The following SYNE2 variants were observed in gnomAD, a reference collection of about 807,000 sequenced individuals.
SYNE2 encodes the protein nesprin-2.
SYNE2 carries 431 observed loss-of-function variants against 856.3 expected under a neutral mutation model. That is an observed-to-expected ratio of 0.50 (90% CI 0.47 to 0.55). The LOEUF is 0.55. SYNE2 is among the 20% of genes least tolerant of loss of function. The probability of loss-of-function intolerance (pLI) is 0.00; values close to 1 mark genes in which losing one functional copy is unlikely to be tolerated. For missense variants in SYNE2, 8,129 were observed against 8,023.2 expected (o/e 1.01, Z -0.50); for synonymous variants, 2,923 against 2,872.3 (o/e 1.02, Z -0.56).
At chr14:64,090,753 A>G (rs751759104) in intron 59 of SYNE2, 113 bp from the exon 60 acceptor site, 68 of 974,588 alleles carry the variant, frequency 7.0e-5, no homozygotes, top group Middle Eastern at 3.1e-4. Context: ...CTAAGAAATT[A>G]TTTTAAAAAT....
chr14:64,068,600 G>A (rs1435245086), intron 51 of SYNE2, among the ~76,000 whole-genome samples: 1 of 151,998 alleles, frequency 6.6e-6, no homozygotes, highest in African/African-American at 2.4e-5. Flanking sequence ...AGTGGCTCAC[G>A]CCTGTAATCC....
chr14:63,986,528 C>T lies in SYNE2; in HGVS notation c.2224C>T (p.Leu742Phe). Reference sequence around the variant, plus strand: ...AAAAGTGGCTAAAGATGTTGAAAAACTCATTGGACAAGTGGAAATCTGGGA... The same window carrying T: ...AAAAGTGGCTAAAGATGTTGAAAAATTCATTGGACAAGTGGAAATCTGGGA... ...QLKVAKDVEKLIGQVEIWEAE... is the reference protein window; with the variant it reads ...QLKVAKDVEKFIGQVEIWEAE... The change falls in exon 19 of 116, where the codon CTC becomes TTC. Residue 742 changes from leucine (L) to phenylalanine (F), a missense_variant. Transcript: ENST00000555002. 8 of 1,614,106 alleles carry T rather than the reference C, an allele frequency of 5.0e-6. No individual in the cohort carries two copies. Among genetic ancestry groups the T allele is most frequent in the Non-Finnish European group, 6.8e-6 (8 of 1,179,992 alleles).
intron 99 of SYNE2, among the ~76,000 whole-genome samples, chr14:64,191,634 A>AAT (rs968531814): frequency 1.3e-5 from 2 of 152,212 alleles, no homozygotes; most frequent in Admixed American, 6.5e-5. Context: ...ATCTCTGCTA[A>AAT]ATACTTGGCC....
At chr14:63,818,344 CAAAAAA>C (rs34448523) in intron 1 of SYNE2, among the ~76,000 whole-genome samples, 2 of 86,564 alleles carry the variant, frequency 2.3e-5, no homozygotes, top group Non-Finnish European at 4.5e-5. Flanking sequence ...GACTCCGTCT[CAAAAAA>C]AAAAAAAAAA....
intron 1 of SYNE2, among the ~76,000 whole-genome samples, chr14:63,778,078 T>A (rs1887174245): frequency 6.6e-6 from 1 of 152,204 alleles, no homozygotes; most frequent in Non-Finnish European, 1.5e-5. Flanking sequence ...AAATCTCATC[T>A]TGTATTGTAA....
intron 2 of SYNE2, among the ~76,000 whole-genome samples, chr14:63,923,896 T>C (rs2095629556): frequency 6.6e-6 from 1 of 152,036 alleles, no homozygotes; most frequent in African/African-American, 2.4e-5. Flanking sequence ...CCTCCTGGGC[T>C]CAAGCAATCC....
chr14:64,202,329 C>T, intron 99 of SYNE2: 3 of 701,792 alleles, frequency 4.3e-6, no homozygotes, highest in South Asian at 3.0e-5. Context: ...GCCTTGTGGA[C>T]CAAATACCAC....
At chr14:64,091,798 C>A (rs1181503652) in intron 60 of SYNE2, among the ~76,000 whole-genome samples, 1 of 152,216 alleles carries the variant, frequency 6.6e-6, no homozygotes, top group Non-Finnish European at 1.5e-5. Context: ...AGACTTCCAA[C>A]CGTCTCCGTC....
At chr14:63,794,858 A>G (rs537571970) in intron 1 of SYNE2, among the ~76,000 whole-genome samples, 1 of 152,242 alleles carries the variant, frequency 6.6e-6, no homozygotes, top group Non-Finnish European at 1.5e-5. Context: ...AGTTACTTAA[A>G]AAGTTAAACG....
chr14:63,774,355 G>C (rs971317030), intron 1 of SYNE2, among the ~76,000 whole-genome samples: 1 of 151,406 alleles, frequency 6.6e-6, no homozygotes, highest in Non-Finnish European at 1.5e-5. Flanking sequence ...TGTAATCCCA[G>C]ATACTTGGGA....
Position 63,909,059 on chromosome 14 carries a change from G to A in SYNE2, c.-51-39G>A, listed in dbSNP as rs558687719. 5.8e-5 allele frequency: 57 copies of A among 984,830 alleles called. No homozygotes were observed. The Middle Eastern group carries it at 6.5e-4, about 11-fold the overall frequency. The allele number at this position is 984,830 out of a possible 1,614,324, so 61.0% of individuals were successfully genotyped here. ...ATGCATGTTTACTAGAAACAGAGCTGCAAAGTTACTAATGAACATTTATCC... is the reference window on the plus strand; with the variant it reads ...ATGCATGTTTACTAGAAACAGAGCTACAAAGTTACTAATGAACATTTATCC... On this transcript the variant is annotated intron_variant, in intron 1 of 115. Transcript: ENST00000555002.
intron 109 of SYNE2, among the ~76,000 whole-genome samples, 155 bp from the exon 110 acceptor site, chr14:64,219,053 G>C (rs1213601351): frequency 6.8e-6 from 1 of 147,864 alleles, no homozygotes; most frequent in Non-Finnish European, 1.5e-5. Flanking sequence ...GGAGAAGAGA[G>C]AACTCCCAAA....
chr14:63,810,620 G>C (rs763251347), intron 1 of SYNE2, among the ~76,000 whole-genome samples: 4 of 152,080 alleles, frequency 2.6e-5, no homozygotes, highest in Non-Finnish European at 4.4e-5. Flanking sequence ...AATTACATGG[G>C]ACAGAAAAAA....
At chr14:63,765,125 C>T (rs1252614778) in intron 1 of SYNE2, among the ~76,000 whole-genome samples, 1 of 152,126 alleles carries the variant, frequency 6.6e-6, no homozygotes, top group East Asian at 1.9e-4. Flanking sequence ...AGAAATCCCA[C>T]CTTTCCTCTT....
At chr14:64,118,021 G>A (rs940188695) in intron 66 of SYNE2, among the ~76,000 whole-genome samples, 1 of 152,192 alleles carries the variant, frequency 6.6e-6, no homozygotes, top group East Asian at 1.9e-4. Flanking sequence ...ACCACAGAAA[G>A]TAAAAGCATA....
intron 8 of SYNE2, among the ~76,000 whole-genome samples, chr14:63,958,901 G>C (rs1211327534): frequency 6.6e-6 from 1 of 152,100 alleles, no homozygotes; most frequent in Admixed American, 6.6e-5. Flanking sequence ...TCCTCTTTAC[G>C]CTCAAAGTTT....
intron 48 of SYNE2, 124 bp from the exon 49 acceptor site, chr14:64,055,820 A>G: frequency 3.6e-6 from 2 of 552,092 alleles, no homozygotes; most frequent in Admixed American, 4.5e-5. Context: ...CCTAAAACTT[A>G]AAGTATAATA....
intron 65 of SYNE2, among the ~76,000 whole-genome samples, chr14:64,109,163 A>G (rs2097789695): frequency 6.6e-6 from 1 of 151,892 alleles, no homozygotes; most frequent in African/African-American, 2.4e-5. Flanking sequence ...AATCAGATGT[A>G]GCTTCAATGG....
In SYNE2 at chr14:64,141,417, T is replaced by G; in HGVS notation, c.15053T>G (p.Leu5018Arg). The G allele has an allele frequency of 6.2e-7, 1 of 1,614,092 alleles. No individual in the cohort carries two copies. The highest frequency in any genetic ancestry group is 2.2e-5 in the East Asian group (1 of 44,862). ...AGTATCGGGAACCAGCTTCTTCACC[T>G]GAAAGAAACTGATACAGCTACACTG... is the stretch of plus-strand genomic sequence containing the variant. ...VISIGNQLLH[L>R]KETDTATLRA... The change falls in exon 81 of 116, where the codon CTG becomes CGG. Residue 5018 changes from leucine (L) to arginine (R), a missense_variant. By Grantham distance (102) the Leu-to-Arg change is moderately radical. Coordinates refer to ENST00000555002, the MANE Select transcript of SYNE2 (RefSeq NM_182914.3).
Sources: gnomAD v4.1 joint callset for allele counts (sites outside exome capture counted in the v4.1 genomes callset) on GRCh38, gnomAD v4.1.1 for gene constraint, MANE v1.5 for transcripts, NCBI Gene and HGNC (gene_info 2026-07-23, HGNC 2026-07-21) for gene names.